The following PAG1 variants were observed in gnomAD, a reference collection of about 807,000 sequenced individuals.
PAG1 encodes the protein phosphoprotein membrane anchor with glycosphingolipid microdomains 1.
PAG1 carries 23 observed loss-of-function variants against 31.7 expected under a neutral mutation model. The observed-to-expected ratio is 0.73, with a 90% confidence interval of 0.52 to 1.03. The LOEUF (loss-of-function observed/expected upper bound fraction) is 1.03. PAG1 is among the 50% of genes least tolerant of loss of function. The probability of loss-of-function intolerance (pLI) is 0.00; values close to 1 mark genes in which losing one functional copy is unlikely to be tolerated. For synonymous variants in PAG1, 214 were observed against 210.3 expected (o/e 1.02, Z -0.15); for missense variants, 473 against 540.7 (o/e 0.87, Z 1.24).
At chr8:81,010,179 T>C (rs969428537) in intron 3 of PAG1, among the ~76,000 whole-genome samples, 2 of 152,200 alleles carry the variant, frequency 1.3e-5, no homozygotes, top group Non-Finnish European at 2.9e-5. Context: ...AGCTCATTGT[T>C]CCTCTTCCCA....
intron 2 of PAG1, chr8:81,039,686 G>C (rs964261803): frequency 1.3e-5 from 2 of 152,168 alleles, no homozygotes; most frequent in African/African-American, 4.8e-5. Flanking sequence ...ACAGAGATTA[G>C]GGTAAGGAAG....
intron 2 of PAG1, among the ~76,000 whole-genome samples, chr8:81,043,090 C>A (rs932381921): frequency 5.3e-5 from 8 of 152,018 alleles, no homozygotes; most frequent in African/African-American, 1.7e-4. Context: ...CCTTTTGCTT[C>A]TGAGTGTTTT....
chr8:81,044,069 C>T (rs924794364), intron 2 of PAG1, among the ~76,000 whole-genome samples: 2 of 152,130 alleles, frequency 1.3e-5, no homozygotes, highest in African/African-American at 4.8e-5. Context: ...CTACTCTTGC[C>T]CCTTTTGCAT....
At position 80,973,022 on chromosome 8, in the gene PAG1, A is replaced by C. The variant is rs1052122028; in HGVS notation, c.*3522T>G. On this transcript the variant is annotated 3_prime_UTR_variant, in exon 9 of 9. Transcript: ENST00000220597. ...TTAGCAAAAATCATGAGAAATATAT[A>C]CAGTGATATAATGCGGTTAAATTTT... is the stretch of plus-strand genomic sequence containing the variant. 1.3e-5 allele frequency: 2 copies of C among 152,008 alleles called. No individual in the cohort carries two copies. The highest frequency in any genetic ancestry group is 4.8e-5 in the African/African-American group (2 of 41,388). 9.4% of individuals were successfully genotyped at this position (152,008 alleles called of 1,614,324 possible). A position where few individuals can be genotyped will look rare whatever the true frequency, so the allele number is the denominator to read the frequency against.
intron 2 of PAG1, among the ~76,000 whole-genome samples, chr8:81,056,895 A>G (rs530265231): frequency 6.6e-5 from 10 of 152,332 alleles, no homozygotes; most frequent in Non-Finnish European, 1.2e-4. Flanking sequence ...CAACCCCATC[A>G]AAAAGTGGGC....
chr8:81,035,866 CACAT>C (rs1563637712), intron 2 of PAG1, among the ~76,000 whole-genome samples: 1 of 152,024 alleles, frequency 6.6e-6, no homozygotes, highest in African/African-American at 2.4e-5. Context: ...CACACATACA[CACAT>C]ATATACACAT....
chr8:80,992,937 G>A (rs920887137), intron 4 of PAG1, among the ~76,000 whole-genome samples, 166 bp downstream of exon 4: 5 of 152,200 alleles, frequency 3.3e-5, no homozygotes, highest in Non-Finnish European at 1.5e-5. Context: ...AATAAAGAAT[G>A]TCCCGAGACG....
intron 2 of PAG1, among the ~76,000 whole-genome samples, chr8:81,042,980 ATCC>A (rs1214712747): frequency 3.3e-5 from 5 of 152,148 alleles, no homozygotes; most frequent in Non-Finnish European, 7.3e-5. Context: ...AGATGCATAA[ATCC>A]TCCTATTTCT....
intron 3 of PAG1, among the ~76,000 whole-genome samples, chr8:81,021,816 A>G (rs1808177225): frequency 6.6e-6 from 1 of 152,142 alleles, no homozygotes; most frequent in Non-Finnish European, 1.5e-5. Flanking sequence ...CAAAATCTAA[A>G]AAGCAAGGAA....
At chr8:81,085,979 T>TTTTTTG (rs1809346747) in intron 1 of PAG1, among the ~76,000 whole-genome samples, 5 of 118,206 alleles carry the variant, frequency 4.2e-5, no homozygotes, top group African/African-American at 1.9e-4. Context: ...CTTGTTTTTT[T>TTTTTTG]TTTTTTTTTT....
At chr8:80,993,727 C>A (rs1247479112) in intron 3 of PAG1, among the ~76,000 whole-genome samples, 1 of 151,820 alleles carries the variant, frequency 6.6e-6, no homozygotes, top group Non-Finnish European at 1.5e-5. Context: ...CACCCCCCTG[C>A]CCCCCACTGC....
chr8:81,000,815 A>G (rs1430284355), intron 3 of PAG1, among the ~76,000 whole-genome samples: 3 of 152,138 alleles, frequency 2.0e-5, no homozygotes, highest in Admixed American at 6.5e-5. Flanking sequence ...GCAGCTGAAC[A>G]TCTCCTGAGA....
At chr8:81,025,971 C>A (rs1808270623) in intron 3 of PAG1, among the ~76,000 whole-genome samples, 1 of 152,136 alleles carries the variant, frequency 6.6e-6, no homozygotes. Flanking sequence ...GTCCAGGAGA[C>A]ACCCGTGTTT....
At chr8:81,076,460 A>G (rs2130995705) in intron 1 of PAG1, among the ~76,000 whole-genome samples, 1 of 152,372 alleles carries the variant, frequency 6.6e-6, no homozygotes, top group East Asian at 1.9e-4. Context: ...TGAGAAGCAC[A>G]AAGTCAAGCC....
intron 5 of PAG1, 49 bp downstream of exon 5, chr8:80,991,430 G>A: frequency 6.9e-7 from 1 of 1,452,982 alleles, no homozygotes; most frequent in Non-Finnish European, 9.7e-7. Flanking sequence ...AGTAGCTGAT[G>A]TTCTGGAGCA....
In PAG1 at chr8:81,091,274, G is replaced by A. The variant is rs183080221; in HGVS notation, c.-234+20317C>T. On this transcript the variant is annotated intron_variant, in intron 1 of 8. Transcript: ENST00000220597. ...GACAAGCTGGTTATTTGCACATGCC[G>A]AATTAGAGTTTCATATAGCAAAAAT... Among the ~76,000 whole-genome samples, 192 of 152,270 alleles carry A rather than the reference G, an allele frequency of 1.3e-3. 1 individual carries two copies. The highest frequency in any genetic ancestry group is 2.4e-3 in the Non-Finnish European group (163 of 68,010).
rs117642143 is a variant in PAG1 at position 80,997,911 on chromosome 8, G to A, written c.-80-4604C>T. Among the ~76,000 whole-genome samples the A allele has an allele frequency of 3.4e-3, 519 of 152,212 alleles. 6 individuals are homozygous for A. Among genetic ancestry groups the A allele is most frequent in the Non-Finnish European group, 3.1e-3 (208 of 68,030 alleles). On this transcript the variant is annotated intron_variant, in intron 3 of 8. Transcript: ENST00000220597. ...CTCCACCCCAATTTTGTATAATTTC[G>A]AACTACTGTGAGAACTTGTTGTTTA...
At chr8:81,110,741 T>C (rs559213757) in intron 1 of PAG1, among the ~76,000 whole-genome samples, 2 of 152,362 alleles carry the variant, frequency 1.3e-5, no homozygotes, top group African/African-American at 4.8e-5. Context: ...TTGAAAAATA[T>C]AGTGGGTTGT....
chr8:81,054,613 T>C (rs1808784152), intron 2 of PAG1, among the ~76,000 whole-genome samples: 1 of 152,006 alleles, frequency 6.6e-6, no homozygotes, highest in African/African-American at 2.4e-5. Context: ...GAGATGGAGC[T>C]TGCAGTGAGC....
Sources: allele counts gnomAD v4.1 joint callset (sites outside exome capture counted in the v4.1 genomes callset), GRCh38; gene constraint gnomAD v4.1.1; transcripts MANE v1.5; gene names NCBI Gene and HGNC (gene_info 2026-07-23, HGNC 2026-07-21).